The following FBXL7 variants were observed in gnomAD, a reference collection of about 807,000 sequenced individuals.
The protein encoded by FBXL7 is F-box/LRR-repeat protein 7.
Under a neutral mutation model 38.3 loss-of-function variants are expected in FBXL7, and 12 were observed. The ratio of observed to expected loss-of-function variants is 0.31; its 90% CI spans 0.20 to 0.51. FBXL7 has a LOEUF of 0.51. FBXL7 is among the 20% of genes least tolerant of loss of function. The pLI is 0.98. For synonymous variants in FBXL7, 297 were observed against 300.9 expected, an observed-to-expected ratio of 0.99 and a Z score of 0.13; for missense variants, 567 against 676.4, an observed-to-expected ratio of 0.84 and a Z score of 1.79.
At chr5:15,560,238 T>C (rs1473798751) in intron 1 of FBXL7, among the ~76,000 whole-genome samples, 5 of 152,188 alleles carry the variant, frequency 3.3e-5, no homozygotes, top group Non-Finnish European at 7.4e-5. Flanking sequence ...ATATTTCTTC[T>C]TGTCTGTGCT....
At chr5:15,581,411 T>G (rs1241500558) in intron 1 of FBXL7, among the ~76,000 whole-genome samples, 1 of 152,150 alleles carries the variant, frequency 6.6e-6, no homozygotes, top group Non-Finnish European at 1.5e-5. Flanking sequence ...CCAGTCCTGC[T>G]TAGCCTGGTG....
intron 2 of FBXL7, among the ~76,000 whole-genome samples, chr5:15,806,572 C>G (rs1737717687): frequency 1.3e-5 from 2 of 152,144 alleles, no homozygotes; most frequent in African/African-American, 2.4e-5. Context: ...ATCTTCCACA[C>G]TGGGGCACGG....
intron 2 of FBXL7, among the ~76,000 whole-genome samples, chr5:15,650,568 A>C (rs1172952000): frequency 6.6e-6 from 1 of 152,242 alleles, no homozygotes; most frequent in Non-Finnish European, 1.5e-5. Flanking sequence ...CCCCTGTAGC[A>C]TGAGATGCTG....
intron 2 of FBXL7, among the ~76,000 whole-genome samples, chr5:15,869,387 C>T (rs569214099): frequency 1.9e-4 from 29 of 152,286 alleles, no homozygotes; most frequent in African/African-American, 7.0e-4. Flanking sequence ...TTAACAAACA[C>T]TGCTTTAATG....
At chr5:15,885,183 A>T (rs990593549) in intron 2 of FBXL7, among the ~76,000 whole-genome samples, 1 of 152,096 alleles carries the variant, frequency 6.6e-6, no homozygotes, top group Non-Finnish European at 1.5e-5. Context: ...TTGCAAGTTG[A>T]TGGGTTTAGG....
At chr5:15,571,882 G>A (rs893317462) in intron 1 of FBXL7, among the ~76,000 whole-genome samples, 1 of 152,062 alleles carries the variant, frequency 6.6e-6, no homozygotes, top group Non-Finnish European at 1.5e-5. Flanking sequence ...GGGTAGTGGT[G>A]GGGTGGTTCA....
chr5:15,505,657 T>C (rs529825522), intron 1 of FBXL7, among the ~76,000 whole-genome samples: 26 of 152,176 alleles, frequency 1.7e-4, no homozygotes, highest in Non-Finnish European at 3.4e-4. Flanking sequence ...ATTAAGATGA[T>C]TGGGAATATG....
chr5:15,516,854 C>T (rs1381452414), intron 1 of FBXL7, among the ~76,000 whole-genome samples: 1 of 152,048 alleles, frequency 6.6e-6, no homozygotes, highest in Admixed American at 6.6e-5. Context: ...ATTTGCTTCC[C>T]CTTCTGCCGT....
At chr5:15,680,190 G>A (rs530684147) in intron 2 of FBXL7, among the ~76,000 whole-genome samples, 24 of 152,250 alleles carry the variant, frequency 1.6e-4, no homozygotes, top group African/African-American at 5.8e-4. Context: ...GAAAAAGGCA[G>A]CTCTTCCCAA....
chr5:15,597,458 T>A (rs1739654783), intron 1 of FBXL7, among the ~76,000 whole-genome samples: 1 of 132,500 alleles, frequency 7.5e-6, no homozygotes, highest in Non-Finnish European at 1.6e-5. Flanking sequence ...TCCCAAACCA[T>A]ATATGTGAAA....
intron 2 of FBXL7, among the ~76,000 whole-genome samples, chr5:15,679,602 A>T (rs1742781490): frequency 6.7e-6 from 1 of 149,152 alleles, no homozygotes; most frequent in African/African-American, 2.5e-5. Flanking sequence ...TCACACACTC[A>T]AATAGACATG....
At chr5:15,559,406 TGTGA>T (rs1303186955) in intron 1 of FBXL7, among the ~76,000 whole-genome samples, 30 of 152,164 alleles carry the variant, frequency 2.0e-4, no homozygotes, top group Admixed American at 6.5e-4. Flanking sequence ...CATGTATCTG[TGTGA>T]GTGTGTGTTT....
chr5:15,582,798 C>T (rs988299328), intron 1 of FBXL7, among the ~76,000 whole-genome samples: 2 of 152,240 alleles, frequency 1.3e-5, no homozygotes, highest in African/African-American at 4.8e-5. Context: ...TGAGCCCCCT[C>T]ACCCTACTAA....
intron 2 of FBXL7, among the ~76,000 whole-genome samples, chr5:15,875,364 C>T (rs1740156031): frequency 1.3e-5 from 2 of 152,278 alleles, no homozygotes; most frequent in East Asian, 3.9e-4. Flanking sequence ...ATGACTAAAA[C>T]ACCAAAAGCA....
chr5:15,635,160 G>A (rs571819649), intron 2 of FBXL7, among the ~76,000 whole-genome samples: 116 of 152,138 alleles, frequency 7.6e-4, no homozygotes, highest in African/African-American at 2.7e-3. Flanking sequence ...TGATTTTTCT[G>A]CTGCTTGTGG....
intron 2 of FBXL7, among the ~76,000 whole-genome samples, chr5:15,651,951 C>T (rs1350097795): frequency 1.3e-5 from 2 of 152,238 alleles, no homozygotes; most frequent in Non-Finnish European, 2.9e-5. Context: ...GGAGAATTTA[C>T]TGCAGCTTCT....
intron 2 of FBXL7, among the ~76,000 whole-genome samples, chr5:15,921,025 G>A (rs569282381): frequency 1.3e-5 from 2 of 152,188 alleles, no homozygotes; most frequent in African/African-American, 4.8e-5. Context: ...CTTTCCTCGA[G>A]AGGAAATTTT....
At chr5:15,799,762 G>A (rs369914524) in intron 2 of FBXL7, among the ~76,000 whole-genome samples, 93 of 152,220 alleles carry the variant, frequency 6.1e-4, no homozygotes, top group African/African-American at 2.2e-3. Context: ...AGCACTACAC[G>A]GATTAGCAGC....
At chr5:15,846,683 A>C (rs927114659) in intron 2 of FBXL7, among the ~76,000 whole-genome samples, 4 of 152,220 alleles carry the variant, frequency 2.6e-5, no homozygotes, top group African/African-American at 9.6e-5. Flanking sequence ...TTTTCTTTAA[A>C]AGTGGCATTA....
Sources: gnomAD v4.1 joint callset for allele counts (sites outside exome capture counted in the v4.1 genomes callset) on GRCh38, gnomAD v4.1.1 for gene constraint, MANE v1.5 for transcripts, NCBI Gene and HGNC (gene_info 2026-07-23, HGNC 2026-07-21) for gene names.